Variants in PTPDC1 observed in about 807,000 individuals in gnomAD.
The protein encoded by PTPDC1 is protein tyrosine phosphatase domain-containing protein 1.
A neutral mutation model predicts 75.3 loss-of-function variants in PTPDC1; 53 were observed. That is an observed-to-expected ratio of 0.70 (90% CI 0.56 to 0.88). The LOEUF (loss-of-function observed/expected upper bound fraction) is 0.88. PTPDC1 is among the 40% of genes least tolerant of loss of function. The pLI, the probability that PTPDC1 is intolerant of heterozygous loss-of-function variation, is 0.00. For synonymous variants in PTPDC1, 349 were observed against 366.2 expected (o/e 0.95, Z 0.54); for missense variants, 925 against 998.6 (o/e 0.93, Z 0.99).
chr9:94,069,979 C>G (rs961186152), intron 2 of PTPDC1, among the ~76,000 whole-genome samples: 2 of 151,918 alleles, frequency 1.3e-5, no homozygotes, highest in Non-Finnish European at 2.9e-5. Context: ...CGCCCGCCAC[C>G]ACGCCCGGCT....
chr9:94,077,174 A>G (rs1408623146), intron 2 of PTPDC1, among the ~76,000 whole-genome samples: 1 of 152,246 alleles, frequency 6.6e-6, no homozygotes, highest in Admixed American at 6.5e-5. Context: ...TTAGCACTTG[A>G]GAATACAGAA....
At chr9:94,065,770 G>C (rs569852452) in intron 2 of PTPDC1, among the ~76,000 whole-genome samples, 1 of 152,208 alleles carries the variant, frequency 6.6e-6, no homozygotes, top group African/African-American at 2.4e-5. Context: ...ACTACCATTT[G>C]TGGACAGCTT....
chr9:94,060,491 G>T (rs185408362), intron 1 of PTPDC1, among the ~76,000 whole-genome samples: 33 of 152,212 alleles, frequency 2.2e-4, no homozygotes, highest in Non-Finnish European at 3.4e-4. Context: ...AATAGTCATT[G>T]TGTTAGTCTG....
chr9:94,100,967 T>G (rs1176435463), intron 6 of PTPDC1: 1 of 152,236 alleles, frequency 6.6e-6, no homozygotes, highest in East Asian at 1.9e-4. Flanking sequence ...ATTTCAGGAC[T>G]CGGGGCTTAT....
Position 94,087,982 on chromosome 9 carries a change from A to C in PTPDC1, c.497+71A>C, listed in dbSNP as rs941750906. The C allele has an allele frequency of 6.0e-6, 9 of 1,490,964 alleles. No homozygotes were observed. The African/African-American group carries it at 1.1e-4, about 18-fold the overall frequency. The allele number at this position is 1,490,964 out of a possible 1,614,324, so 92.4% of individuals were successfully genotyped here. A position where few individuals can be genotyped will look rare whatever the true frequency, so the allele number is the denominator to read the frequency against. ...TTTTTCTTTCATTGCCTTTGTTTCA[A>C]GTGAAAGAGTGCTTTCATTTTAACA... On this transcript the variant is annotated intron_variant, in intron 3 of 8. Transcript: ENST00000620992.
At chr9:94,094,621 G>C (rs373768103) in intron 4 of PTPDC1, among the ~76,000 whole-genome samples, 1 of 152,144 alleles carries the variant, frequency 6.6e-6, no homozygotes, top group African/African-American at 2.4e-5. Flanking sequence ...CGAGCTTCCC[G>C]GCTGCTTTGT....
At chr9:94,054,503 T>C (rs1303794222) in intron 1 of PTPDC1, among the ~76,000 whole-genome samples, 1 of 152,208 alleles carries the variant, frequency 6.6e-6, no homozygotes, top group Non-Finnish European at 1.5e-5. Context: ...GTCTTACATT[T>C]AGACTAGCAT....
chr9:94,046,372 T>C (rs1049319407), intron 1 of PTPDC1, among the ~76,000 whole-genome samples: 20 of 152,242 alleles, frequency 1.3e-4, no homozygotes, highest in Admixed American at 9.8e-4. Context: ...TTTTTTCCAA[T>C]TCTGTGAAGA....
At chr9:94,098,654 C>G (rs771919024) in intron 6 of PTPDC1, 75 bp downstream of exon 6, 5 of 1,237,874 alleles carry the variant, frequency 4.0e-6, no homozygotes, top group Non-Finnish European at 5.8e-6. Flanking sequence ...ATACATTTTC[C>G]CAAACTTATT....
intron 2 of PTPDC1, among the ~76,000 whole-genome samples, chr9:94,065,175 C>T (rs1564017729): frequency 1.3e-5 from 2 of 152,258 alleles, no homozygotes; most frequent in Admixed American, 6.5e-5. Flanking sequence ...CAGAAGCACT[C>T]CAGCCCTACT....
At chr9:94,065,636 G>A (rs1012521011) in intron 2 of PTPDC1, among the ~76,000 whole-genome samples, 6 of 152,146 alleles carry the variant, frequency 3.9e-5, no homozygotes, top group Admixed American at 6.6e-5. Context: ...ACCAGGGGGC[G>A]TTCTCTCTCA....
chr9:94,066,738 A>G (rs1826319819), intron 2 of PTPDC1, among the ~76,000 whole-genome samples: 1 of 151,782 alleles, frequency 6.6e-6, no homozygotes, highest in African/African-American at 2.4e-5. Flanking sequence ...TTGTGTTTTT[A>G]GTAGAGATGG....
At chr9:94,089,232 C>T (rs4609253) in intron 4 of PTPDC1, among the ~76,000 whole-genome samples, 3 of 116,036 alleles carry the variant, frequency 2.6e-5, no homozygotes, top group Middle Eastern at 3.9e-3. Context: ...CTCCCCCCTC[C>T]CCCCACCCCA....
chr9:94,040,809 A>G (rs1193642567), intron 1 of PTPDC1, among the ~76,000 whole-genome samples: 1 of 152,156 alleles, frequency 6.6e-6, no homozygotes, highest in Non-Finnish European at 1.5e-5. Flanking sequence ...ATGCCAACAC[A>G]TATCTTTTCT....
chr9:94,037,037 A>G (rs1825294289), intron 1 of PTPDC1, among the ~76,000 whole-genome samples: 1 of 152,220 alleles, frequency 6.6e-6, no homozygotes, highest in Admixed American at 6.5e-5. Flanking sequence ...ACAAGATTGC[A>G]TGGCCAAATT....
upstream of PTPDC1, among the ~76,000 whole-genome samples, chr9:94,080,532 A>G (rs138658253): frequency 1.0e-2 from 1,516 of 152,334 alleles, 10 homozygotes; most frequent in Non-Finnish European, 0.015. Context: ...TCTAATGGCA[A>G]TGAGCATACC....
chr9:94,089,289 C>G (rs1268618935), intron 4 of PTPDC1, among the ~76,000 whole-genome samples: 1 of 147,310 alleles, frequency 6.8e-6, no homozygotes, highest in Non-Finnish European at 1.5e-5. Flanking sequence ...TCCATGTAAT[C>G]TCATTGTTCA....
At chr9:94,041,329 G>A (rs985162669) in intron 1 of PTPDC1, among the ~76,000 whole-genome samples, 8 of 152,198 alleles carry the variant, frequency 5.3e-5, no homozygotes, top group African/African-American at 1.9e-4. Flanking sequence ...ATCTGATGCT[G>A]CCGTTTAGAT....
At chr9:94,052,572 T>C (rs1431650869) in intron 1 of PTPDC1, among the ~76,000 whole-genome samples, 1 of 152,204 alleles carries the variant, frequency 6.6e-6, no homozygotes, top group Non-Finnish European at 1.5e-5. Context: ...AATATAAATA[T>C]ATAGTGGGTT....
Sources: allele counts gnomAD v4.1 joint callset (sites outside exome capture counted in the v4.1 genomes callset), GRCh38; gene constraint gnomAD v4.1.1; transcripts MANE v1.5; gene names NCBI Gene and HGNC (gene_info 2026-07-23, HGNC 2026-07-21).